EDNRB: variants seen among roughly 807,000 people sequenced by gnomAD.
EDNRB encodes the protein endothelin receptor type B.
A neutral mutation model predicts 46.4 loss-of-function variants in EDNRB; 18 were observed. The ratio of observed to expected loss-of-function variants is 0.39; its 90% CI spans 0.27 to 0.57. The LOEUF (loss-of-function observed/expected upper bound fraction) is 0.57, where lower values mean the gene tolerates loss of function less well. Among genes scored for constraint, EDNRB ranks in the 20% least tolerant of loss-of-function variants. The probability of loss-of-function intolerance (pLI) is 0.61; values close to 1 mark genes in which losing one functional copy is unlikely to be tolerated. For missense variants in EDNRB, 434 were observed against 537.5 expected, an observed-to-expected ratio of 0.81 and a Z score of 1.90; for synonymous variants, 213 against 204.9, an observed-to-expected ratio of 1.04 and a Z score of -0.34.
chr13:77,940,700 GGTGT>G (rs6145134), intron 1 of EDNRB, among the ~76,000 whole-genome samples: 2,640 of 149,042 alleles, frequency 0.018, 67 homozygotes, highest in African/African-American at 0.054. Flanking sequence ...AGATGAATTG[GGTGT>G]GTGTGTGTGT....
At chr13:77,908,426 CAAAAA>C (rs11359758) in intron 1 of EDNRB, among the ~76,000 whole-genome samples, 3 of 124,184 alleles carry the variant, frequency 2.4e-5, no homozygotes, top group East Asian at 4.7e-4. Flanking sequence ...GAAGTTTTGC[CAAAAA>C]AAAAAAAAAA....
At chr13:77,960,860 G>GAAAA (rs34344431) in intron 1 of EDNRB, among the ~76,000 whole-genome samples, 5 of 115,572 alleles carry the variant, frequency 4.3e-5, no homozygotes, top group Admixed American at 9.0e-5. Flanking sequence ...CAAGCAAATG[G>GAAAA]AAAAAAAAAA....
At chr13:77,946,563 A>T (rs1424350353) in intron 1 of EDNRB, among the ~76,000 whole-genome samples, 2 of 152,128 alleles carry the variant, frequency 1.3e-5, no homozygotes, top group African/African-American at 4.8e-5. Flanking sequence ...CTTTTCTATT[A>T]TAAGAGAAAA....
intron 1 of EDNRB, among the ~76,000 whole-genome samples, chr13:77,932,186 G>A (rs765790210): frequency 2.6e-5 from 4 of 152,112 alleles, no homozygotes; most frequent in Non-Finnish European, 5.9e-5. Context: ...CACATATGAG[G>A]GGGTGAAACC....
intron 1 of EDNRB, among the ~76,000 whole-genome samples, chr13:77,937,260 T>C (rs1317700154): frequency 1.3e-5 from 2 of 152,202 alleles, no homozygotes; most frequent in Non-Finnish European, 2.9e-5. Context: ...AATCATGTAA[T>C]CTTGTCTAGC....
upstream of EDNRB, among the ~76,000 whole-genome samples, chr13:77,922,836 CT>C (rs1229255330): frequency 6.6e-6 from 1 of 152,094 alleles, no homozygotes; most frequent in Non-Finnish European, 1.5e-5. Flanking sequence ...CTAAGGGGCT[CT>C]TTGAAAATTC....
At position 77,932,991 on chromosome 13, in the gene EDNRB, A is replaced by G. The variant is rs143014539; in HGVS notation, c.-51-14367T>C. Among the ~76,000 whole-genome samples, 582 of 152,358 alleles carry G rather than the reference A, an allele frequency of 3.8e-3. 4 individuals are homozygous for G. The highest frequency in any genetic ancestry group is 0.013 in the African/African-American group (537 of 41,590). On this transcript the variant is annotated intron_variant, in intron 1 of 7. Transcript: ENST00000646948. ...AAAAGCAAACTTTGCTATTTTGCCA[A>G]GCATTAAAATATGCAAATTTCCCTC...
intron 1 of EDNRB, among the ~76,000 whole-genome samples, chr13:77,961,014 C>A (rs1252756953): frequency 6.6e-6 from 1 of 152,148 alleles, no homozygotes; most frequent in East Asian, 1.9e-4. Flanking sequence ...TATATATGCA[C>A]CCAGTACAGG....
intron 1 of EDNRB, among the ~76,000 whole-genome samples, chr13:77,954,406 A>G (rs761223982): frequency 6.6e-6 from 1 of 152,134 alleles, no homozygotes; most frequent in Non-Finnish European, 1.5e-5. Context: ...TGATTGACCT[A>G]TCTCACTTGG....
intron 1 of EDNRB, among the ~76,000 whole-genome samples, chr13:77,940,656 G>C (rs775527613): frequency 5.9e-5 from 9 of 151,820 alleles, no homozygotes; most frequent in Admixed American, 1.3e-4. Flanking sequence ...GAACAGATTA[G>C]TTTGTCAGAA....
intron 1 of EDNRB, among the ~76,000 whole-genome samples, chr13:77,940,169 C>T (rs550832845): frequency 3.2e-4 from 49 of 152,094 alleles, no homozygotes; most frequent in African/African-American, 1.1e-3. Flanking sequence ...CACTGTATTC[C>T]AGGTGCTATT....
rs1358487033 is a variant in EDNRB, at chr13:77,925,742, A to C, written c.-51-7118T>G. ...GTCGGAGCCCCCACACAGAGTCCCT[A>C]CTGGGGCACCGCCTACTGGAGCTGT... On this transcript the variant is annotated intron_variant, in intron 1 of 7. Transcript: ENST00000646948. Among the ~76,000 whole-genome samples, 3 of 152,204 alleles carry C rather than the reference A, an allele frequency of 2.0e-5. No individual in the cohort carries two copies. In the East Asian group the frequency reaches 5.8e-4, roughly 29 times the overall value.
chr13:77,920,354 A>G (rs1349546438), upstream of EDNRB, among the ~76,000 whole-genome samples: 1 of 152,220 alleles, frequency 6.6e-6, no homozygotes, highest in Non-Finnish European at 1.5e-5. Context: ...CAGAGATTGT[A>G]TAAAAGAGGT....
intron 1 of EDNRB, among the ~76,000 whole-genome samples, chr13:77,933,465 C>G (rs1880462741): frequency 6.6e-6 from 1 of 151,952 alleles, no homozygotes; most frequent in Admixed American, 6.6e-5. Context: ...CAGGATGAGC[C>G]AGGAGAAGGA....
At chr13:77,967,998 T>G (rs942359746) in intron 1 of EDNRB, among the ~76,000 whole-genome samples, 1 of 152,182 alleles carries the variant, frequency 6.6e-6, no homozygotes, top group African/African-American at 2.4e-5. Flanking sequence ...CTGAAAAGAC[T>G]GTGTGCCATG....
At chr13:77,954,358 T>G (rs925414122) in intron 1 of EDNRB, among the ~76,000 whole-genome samples, 1 of 152,112 alleles carries the variant, frequency 6.6e-6, no homozygotes, top group Non-Finnish European at 1.5e-5. Context: ...TAGAAGTATC[T>G]TATGTGTAAG....
chr13:77,899,827 A>G (rs770101988), intron 6 of EDNRB, 32 bp downstream of exon 6: 1 of 1,540,408 alleles, frequency 6.5e-7, no homozygotes, highest in South Asian at 1.1e-5. Context: ...GCCATATTAC[A>G]AAGAGCTTTT....
chr13:77,958,119 A>AGAATCACTT (rs1881292895), intron 1 of EDNRB, among the ~76,000 whole-genome samples: 1 of 152,216 alleles, frequency 6.6e-6, no homozygotes, highest in South Asian at 2.1e-4. Context: ...ACTCTATATT[A>AGAATCACTT]GAATCACTTG....
At chr13:77,962,790 A>G (rs943916509) in intron 1 of EDNRB, among the ~76,000 whole-genome samples, 3 of 152,268 alleles carry the variant, frequency 2.0e-5, no homozygotes, top group African/African-American at 7.2e-5. Flanking sequence ...GGCAGGAGAA[A>G]GAAATAAAGG....
Sources: gnomAD v4.1 joint callset for allele counts (sites outside exome capture counted in the v4.1 genomes callset) on GRCh38, gnomAD v4.1.1 for gene constraint, MANE v1.5 for transcripts, NCBI Gene and HGNC (gene_info 2026-07-23, HGNC 2026-07-21) for gene names.